CORIN: variants seen among roughly 807,000 people sequenced by gnomAD.
CORIN encodes atrial natriuretic peptide-converting enzyme.
A neutral mutation model predicts 125.3 loss-of-function variants in CORIN; 117 were observed. That is an observed-to-expected ratio of 0.93 (90% CI 0.80 to 1.09). The LOEUF (loss-of-function observed/expected upper bound fraction) is 1.09. CORIN is among the 50% of genes least tolerant of loss of function. The pLI is 0.00. For missense variants in CORIN, 1,253 were observed against 1,306.7 expected (o/e 0.96, Z 0.63); for synonymous variants, 450 against 466.4 (o/e 0.96, Z 0.45).
chr4:47,612,978 G>A (rs545333275), intron 19 of CORIN, among the ~76,000 whole-genome samples: 2 of 152,304 alleles, frequency 1.3e-5, no homozygotes, highest in South Asian at 4.1e-4. Context: ...AGACCTTCAA[G>A]AATCAAGTTT....
At chr4:47,606,096 T>C (rs1721635622) in intron 19 of CORIN, among the ~76,000 whole-genome samples, 2 of 152,158 alleles carry the variant, frequency 1.3e-5, no homozygotes, top group Non-Finnish European at 2.9e-5. Context: ...ATGCCAAGCA[T>C]TGTGTTAGGG....
At chr4:47,837,646 CCTGGGAGGGTCTCGGACG>C in intron 1 of CORIN, 1 of 623,596 alleles carries the variant, frequency 1.6e-6, no homozygotes, top group South Asian at 1.8e-5. Flanking sequence ...TGCCCATGAC[CCTGGGAGGGTCTCGGACG>C]CCGGGCGACC....
chr4:47,703,506 A>G (rs1726402215), intron 5 of CORIN, among the ~76,000 whole-genome samples: 2 of 152,226 alleles, frequency 1.3e-5, no homozygotes, highest in Non-Finnish European at 2.9e-5. Flanking sequence ...AATAAAGGTA[A>G]TCTTGTAGAA....
intron 4 of CORIN, among the ~76,000 whole-genome samples, chr4:47,756,839 C>T (rs1327791917): frequency 6.6e-6 from 1 of 152,128 alleles, no homozygotes; most frequent in Non-Finnish European, 1.5e-5. Flanking sequence ...TGCTGGGTCT[C>T]CTCCATTTCA....
intron 2 of CORIN, among the ~76,000 whole-genome samples, chr4:47,794,983 G>C (rs1275102150): frequency 6.6e-6 from 1 of 152,124 alleles, no homozygotes; most frequent in African/African-American, 2.4e-5. Context: ...ATAAGATAAG[G>C]GTCCCATTTC....
At chr4:47,655,534 T>C (rs1458929236) in intron 12 of CORIN, among the ~76,000 whole-genome samples, 1 of 152,132 alleles carries the variant, frequency 6.6e-6, no homozygotes. Flanking sequence ...TGTGGTTTGG[T>C]AGTACTTGTC....
chr4:47,601,452 C>T (rs1380168410), intron 20 of CORIN, among the ~76,000 whole-genome samples: 1 of 152,056 alleles, frequency 6.6e-6, no homozygotes, highest in East Asian at 1.9e-4. Flanking sequence ...AAGAAATCCT[C>T]CCACCTCAGC....
Position 47,748,010 on chromosome 4 carries a change from C to G in CORIN, c.618-3427G>C, listed in dbSNP as rs1407668105. Among the ~76,000 whole-genome samples the G allele has an allele frequency of 4.6e-5, 7 of 152,164 alleles. No individual in the cohort carries two copies. The East Asian group carries it at 1.3e-3, about 29-fold the overall frequency. On this transcript the variant is annotated intron_variant, in intron 4 of 21. Transcript: ENST00000273857. Reference sequence around the variant, plus strand: ...AGACATTAAAATACCATTAGGCCCTCCATTCTAAAAATAGGGCCTAAGAAA... The same window carrying G: ...AGACATTAAAATACCATTAGGCCCTGCATTCTAAAAATAGGGCCTAAGAAA...
chr4:47,694,234 G>A (rs887631987), intron 5 of CORIN, among the ~76,000 whole-genome samples: 2 of 152,144 alleles, frequency 1.3e-5, no homozygotes, highest in African/African-American at 4.8e-5. Context: ...ACAAAATACA[G>A]TTTGGCATCG....
At chr4:47,655,200 G>A (rs1014987874) in intron 12 of CORIN, among the ~76,000 whole-genome samples, 4 of 151,906 alleles carry the variant, frequency 2.6e-5, no homozygotes, top group African/African-American at 9.7e-5. Flanking sequence ...TGAGCCTTCG[G>A]TGAGACTCTG....
intron 19 of CORIN, among the ~76,000 whole-genome samples, chr4:47,616,379 T>A (rs13133683): frequency 0.27 from 40,868 of 151,850 alleles, 5,643 homozygotes; most frequent in Admixed American, 0.35. Context: ...TGTGATGAGA[T>A]GAGTGAGTGT....
chr4:47,708,749 T>C (rs528073227), intron 5 of CORIN, among the ~76,000 whole-genome samples: 107 of 152,306 alleles, frequency 7.0e-4, no homozygotes, highest in African/African-American at 2.5e-3. Context: ...GCCTGGAATC[T>C]TTCTCTAGTC....
At chr4:47,835,633 G>T (rs1016821040) in intron 1 of CORIN, among the ~76,000 whole-genome samples, 2 of 152,212 alleles carry the variant, frequency 1.3e-5, no homozygotes, top group Non-Finnish European at 2.9e-5. Flanking sequence ...CCCCAACAGT[G>T]GGGGAGGTCA....
In CORIN at chr4:47,815,171, C is replaced by T. The variant is rs548240202; in HGVS notation, c.64-8124G>A. 1.1e-4 allele frequency among the ~76,000 whole-genome samples: 17 copies of T among 152,150 alleles called. No homozygotes were observed. The South Asian group carries it at 1.9e-3, about 17-fold the overall frequency. On this transcript the variant is annotated intron_variant, in intron 1 of 21. Coordinates refer to ENST00000273857, the MANE Select transcript of CORIN (RefSeq NM_006587.4). The stretch of plus-strand genomic sequence containing the variant: ...TATAAAGTCATCTTCCATTCTTAAC[C>T]GTATCTCCGTATCTGCAAATAAGGC...
intron 5 of CORIN, chr4:47,706,881 A>G: frequency 6.3e-7 from 1 of 1,599,234 alleles, no homozygotes. Context: ...GCAGGCCGAA[A>G]GAGCCGTGGC....
At chr4:47,614,352 T>G (rs1017220420) in intron 19 of CORIN, among the ~76,000 whole-genome samples, 3 of 152,120 alleles carry the variant, frequency 2.0e-5, no homozygotes, top group Non-Finnish European at 4.4e-5. Flanking sequence ...CCCACCACCA[T>G]GCCTGGCTAA....
chr4:47,709,464 T>C (rs1004986732), intron 5 of CORIN, among the ~76,000 whole-genome samples: 3 of 152,060 alleles, frequency 2.0e-5, no homozygotes, highest in African/African-American at 4.8e-5. Context: ...GGCTAATTTT[T>C]GTATTTTTTG....
chr4:47,792,434 G>A (rs1050229692), intron 2 of CORIN, among the ~76,000 whole-genome samples: 2 of 152,190 alleles, frequency 1.3e-5, no homozygotes, highest in African/African-American at 4.8e-5. Flanking sequence ...AATACTCCAA[G>A]TGAGAAAAGA....
rs750061020 is a variant in CORIN at position 47,642,022 on chromosome 4, G to A, written c.2096C>T (p.Ser699Phe). ...CVTLSINVNS[S>F]SFLMVHRAAT... ...AGCTCTGTGAACCATCAGAAAGGAA[G>A]AGGAGTTCACATTTATAGAGAGGGT... The change falls in exon 16 of 22, where the codon TCT becomes TTT. Residue 699 changes from serine to phenylalanine, a missense_variant. By Grantham distance (155) the Ser-to-Phe change is radical. Transcript: ENST00000273857. 2.0e-5 allele frequency: 33 copies of A among 1,613,232 alleles called. No homozygotes were observed. Among genetic ancestry groups the A allele is most frequent in the Non-Finnish European group, 2.5e-5 (30 of 1,179,544 alleles).
Sources: gnomAD v4.1 joint callset for allele counts (sites outside exome capture counted in the v4.1 genomes callset) on GRCh38, gnomAD v4.1.1 for gene constraint, MANE v1.5 for transcripts, NCBI Gene and HGNC (gene_info 2026-07-23, HGNC 2026-07-21) for gene names.